Variants in RCOR1 observed in about 807,000 individuals in gnomAD.
The protein encoded by RCOR1 is REST corepressor 1.
Under a neutral mutation model 64.0 loss-of-function variants are expected in RCOR1, and 12 were observed. The ratio of observed to expected loss-of-function variants is 0.19; its 90% CI spans 0.12 to 0.30. The LOEUF (loss-of-function observed/expected upper bound fraction) is 0.30. RCOR1 is among the 10% of genes least tolerant of loss of function. The pLI is 1.00. For missense variants in RCOR1, 502 were observed against 621.2 expected (o/e 0.81, Z 2.04); for synonymous variants, 279 against 227.2 (o/e 1.23, Z -2.05).
chr14:102,609,916 G>T (rs1893590538), intron 2 of RCOR1, among the ~76,000 whole-genome samples: 1 of 152,026 alleles, frequency 6.6e-6, no homozygotes, highest in Non-Finnish European at 1.5e-5. Context: ...GAGGCAGGCA[G>T]ATCACGAGGT....
chr14:102,637,722 T>C (rs142178101), intron 2 of RCOR1, among the ~76,000 whole-genome samples: 1 of 152,328 alleles, frequency 6.6e-6, no homozygotes, highest in East Asian at 1.9e-4. Context: ...AGTGCTGAGA[T>C]TACAGGCTTG....
chr14:102,656,705 C>T (rs747141762), intron 2 of RCOR1, among the ~76,000 whole-genome samples: 1 of 151,564 alleles, frequency 6.6e-6, no homozygotes, highest in Non-Finnish European at 1.5e-5. Flanking sequence ...CTGACTCAAG[C>T]GATCTACCCA....
At chr14:102,612,436 C>T (rs184439661) in intron 2 of RCOR1, among the ~76,000 whole-genome samples, 135 of 152,004 alleles carry the variant, frequency 8.9e-4, no homozygotes, top group African/African-American at 3.2e-3. Context: ...TGCTCTTAAG[C>T]GATCTGCCCG....
chr14:102,672,872 G>C (rs922204194), intron 2 of RCOR1, among the ~76,000 whole-genome samples: 1 of 152,192 alleles, frequency 6.6e-6, no homozygotes, highest in Non-Finnish European at 1.5e-5. Context: ...TATAGAGTGA[G>C]AAATAACTCA....
intron 2 of RCOR1, among the ~76,000 whole-genome samples, chr14:102,629,388 G>T (rs957526271): frequency 1.3e-5 from 2 of 151,772 alleles, no homozygotes; most frequent in Non-Finnish European, 2.9e-5. Flanking sequence ...TCAACTAGAC[G>T]GTAAACTGTG....
intron 8 of RCOR1, among the ~76,000 whole-genome samples, chr14:102,720,516 A>G (rs143055344): frequency 2.5e-3 from 381 of 152,282 alleles, no homozygotes; most frequent in Non-Finnish European, 4.3e-3. Context: ...AAAGAAATCT[A>G]TGCTTGTGCA....
At chr14:102,688,899 C>A (rs574590133) in intron 3 of RCOR1, among the ~76,000 whole-genome samples, 1 of 152,152 alleles carries the variant, frequency 6.6e-6, no homozygotes, top group Non-Finnish European at 1.5e-5. Flanking sequence ...CCAGGCTGCC[C>A]GCCTTTGGGG....
At chr14:102,601,122 A>C in intron 2 of RCOR1, among the ~76,000 whole-genome samples, 1 of 151,970 alleles carries the variant, frequency 6.6e-6, no homozygotes. Flanking sequence ...CCAGGCTGCA[A>C]AGGTTGCAGT....
chr14:102,708,169 G>T (rs1404067915), intron 5 of RCOR1, among the ~76,000 whole-genome samples: 1 of 152,114 alleles, frequency 6.6e-6, no homozygotes, highest in Non-Finnish European at 1.5e-5. Flanking sequence ...ATTTCACCAT[G>T]TTGGCCAGGA....
chr14:102,654,510 G>T (rs1463845708), intron 2 of RCOR1, among the ~76,000 whole-genome samples: 1 of 152,076 alleles, frequency 6.6e-6, no homozygotes, highest in Non-Finnish European at 1.5e-5. Flanking sequence ...CTAGGGAGTA[G>T]TGTGTTTGTT....
chr14:102,621,262 A>G (rs912780953), intron 2 of RCOR1, among the ~76,000 whole-genome samples: 1 of 151,950 alleles, frequency 6.6e-6, no homozygotes, highest in African/African-American at 2.4e-5. Flanking sequence ...ACAAGCCACT[A>G]CATCTAGACA....
intron 2 of RCOR1, among the ~76,000 whole-genome samples, chr14:102,637,102 GTTTT>G (rs1339851083): frequency 6.6e-6 from 1 of 150,860 alleles, no homozygotes; most frequent in African/African-American, 2.4e-5. Context: ...CTGTGTACAA[GTTTT>G]TTTTGTTTGT....
At chr14:102,681,049 A>T (rs1322017702) in intron 2 of RCOR1, among the ~76,000 whole-genome samples, 1 of 152,220 alleles carries the variant, frequency 6.6e-6, no homozygotes, top group Admixed American at 6.5e-5. Flanking sequence ...AAAATTAAAG[A>T]TGGGAGATCT....
rs556764431 is a variant in RCOR1, at chr14:102,620,711, T to C, written c.361+27386T>C. ...ACTCCATCCCGGGCCACAGAGACTCTGTTTCTAATAAATAAATAAAATGTA... is the reference window on the plus strand; with the variant it reads ...ACTCCATCCCGGGCCACAGAGACTCCGTTTCTAATAAATAAATAAAATGTA... On this transcript the variant is annotated intron_variant, in intron 2 of 11. Coordinates refer to ENST00000262241, the MANE Select transcript of RCOR1 (RefSeq NM_015156.4). Among the ~76,000 whole-genome samples, 36 of 152,272 alleles carry C rather than the reference T, an allele frequency of 2.4e-4. 1 individual carries two copies. The East Asian group carries it at 6.5e-3, about 28-fold the overall frequency.
At chr14:102,681,446 C>T (rs1895301667) in intron 2 of RCOR1, among the ~76,000 whole-genome samples, 2 of 152,202 alleles carry the variant, frequency 1.3e-5, no homozygotes, top group Admixed American at 1.3e-4. Flanking sequence ...AATTAGTATG[C>T]ATTTTAGAAG....
At position 102,612,762 on chromosome 14, in the gene RCOR1, G is replaced by A. The variant is rs2139890956; in HGVS notation, c.361+19437G>A. 1.3e-5 allele frequency among the ~76,000 whole-genome samples: 2 copies of A among 151,910 alleles called. 1 individual carries two copies. The highest frequency in any genetic ancestry group is 4.2e-4 in the South Asian group (2 of 4,806). On this transcript the variant is annotated intron_variant, in intron 2 of 11. Coordinates refer to ENST00000262241, the MANE Select transcript of RCOR1 (RefSeq NM_015156.4). ...CCAGCACTTTGGGAGACTGAGGTAG[G>A]AGGATTGCTTGATGCCAGGAGCTAG...
At chr14:102,657,809 G>A (rs1363941022) in intron 2 of RCOR1, 2 of 900,668 alleles carry the variant, frequency 2.2e-6, no homozygotes, top group Non-Finnish European at 2.6e-6. Context: ...TTGCACTCCA[G>A]CCTGGGCGAC....
intron 8 of RCOR1, among the ~76,000 whole-genome samples, chr14:102,719,199 C>T (rs890958204): frequency 6.6e-6 from 1 of 152,328 alleles, no homozygotes; most frequent in Admixed American, 6.5e-5. Flanking sequence ...CCTCCCACCT[C>T]AGCCTCGCAA....
At chr14:102,707,012 A>G (rs1895872320) in intron 4 of RCOR1, among the ~76,000 whole-genome samples, 1 of 152,010 alleles carries the variant, frequency 6.6e-6, no homozygotes, top group Non-Finnish European at 1.5e-5. Context: ...CAAGAAAAAT[A>G]TTTTTATTGT....
Sources: allele counts gnomAD v4.1 joint callset (sites outside exome capture counted in the v4.1 genomes callset), GRCh38; gene constraint gnomAD v4.1.1; transcripts MANE v1.5; gene names NCBI Gene and HGNC (gene_info 2026-07-23, HGNC 2026-07-21).